SND1: variants seen among roughly 807,000 people sequenced by gnomAD.
SND1 encodes the protein staphylococcal nuclease and tudor domain containing 1, also known as staphylococcal nuclease domain-containing protein 1.
A neutral mutation model predicts 121.7 loss-of-function variants in SND1; 38 were observed. The observed-to-expected ratio is 0.31, with a 90% CI of 0.24 to 0.41. The LOEUF is 0.41. Ranked by LOEUF, SND1 falls within the 10% of genes least tolerant of loss-of-function variation. The probability of loss-of-function intolerance (pLI) is 1.00; values close to 1 mark genes in which losing one functional copy is unlikely to be tolerated. For synonymous variants in SND1, 401 were observed against 447.4 expected, an observed-to-expected ratio of 0.90 and a Z score of 1.31; for missense variants, 868 against 1,184.6, an observed-to-expected ratio of 0.73 and a Z score of 3.92.
chr7:128,048,666 C>T (rs1003647875), intron 16 of SND1, among the ~76,000 whole-genome samples: 3 of 152,066 alleles, frequency 2.0e-5, no homozygotes, highest in Non-Finnish European at 4.4e-5. Context: ...GCTGCAGTGG[C>T]TGTGGAGAGT....
intron 11 of SND1, among the ~76,000 whole-genome samples, chr7:127,808,410 C>G (rs1798278024): frequency 6.6e-6 from 1 of 152,180 alleles, no homozygotes; most frequent in Admixed American, 6.5e-5. Context: ...AGTGATCCAC[C>G]CGCCTCAGCC....
At chr7:127,725,510 A>G (rs1402247026) in intron 10 of SND1, among the ~76,000 whole-genome samples, 3 of 152,230 alleles carry the variant, frequency 2.0e-5, no homozygotes, top group African/African-American at 7.2e-5. Context: ...TAGAATCTCC[A>G]AGGAAAACAT....
rs1012540734 is a variant in SND1 at position 127,721,348 on chromosome 7, C to T, written c.1100C>T (p.Thr367Met). The T allele has an allele frequency of 9.3e-6, 15 of 1,613,394 alleles. No individual in the cohort carries two copies. In the African/African-American group the frequency reaches 9.4e-5, roughly 10 times the overall value. Residue 367 changes from threonine to methionine, a missense_variant, in exon 10 of 24, where the codon ACG becomes ATG. Around this residue, in one of 2 missense-constraint regions of SND1, gnomAD observed 743 missense variants for 1,071.3 expected, o/e 0.69. Transcript: ENST00000354725. The part of the protein sequence containing the change: ...VVKLNSGDYK[T>M]IHLSSIRPPR... ...AAGCTGAACTCAGGCGATTACAAGA[C>T]GATTCACCTGTCCAGCATCCGACCA...
At chr7:127,818,026 A>G (rs1798480045) in intron 11 of SND1, among the ~76,000 whole-genome samples, 1 of 152,090 alleles carries the variant, frequency 6.6e-6, no homozygotes, top group Admixed American at 6.6e-5. Flanking sequence ...AGATTTGGAT[A>G]TGGAGAAGGC....
intron 15 of SND1, among the ~76,000 whole-genome samples, chr7:127,950,360 T>C (rs1023856421): frequency 6.6e-6 from 1 of 152,186 alleles, no homozygotes; most frequent in Non-Finnish European, 1.5e-5. Flanking sequence ...AAACTCTCAG[T>C]TTCCGCATTA....
chr7:127,659,075 T>C (rs1795263398), intron 1 of SND1, among the ~76,000 whole-genome samples: 1 of 152,254 alleles, frequency 6.6e-6, no homozygotes, highest in African/African-American at 2.4e-5. Context: ...ACAAATGCAA[T>C]GAAGGAACTC....
At chr7:127,995,435 T>A (rs534853475) in intron 16 of SND1, among the ~76,000 whole-genome samples, 2 of 152,234 alleles carry the variant, frequency 1.3e-5, no homozygotes, top group East Asian at 3.9e-4. Flanking sequence ...AGATGGGGAG[T>A]TGTGCCTATT....
At chr7:128,021,226 T>C (rs1398338276) in intron 16 of SND1, among the ~76,000 whole-genome samples, 2 of 152,254 alleles carry the variant, frequency 1.3e-5, no homozygotes, top group African/African-American at 4.8e-5. Flanking sequence ...CTTCTTGCAA[T>C]GGCAATAGAT....
chr7:128,077,816 G>A (rs796605762), intron 17 of SND1, among the ~76,000 whole-genome samples: 98 of 152,334 alleles, frequency 6.4e-4, no homozygotes, highest in African/African-American at 2.3e-3. Context: ...CCTGTTCTCT[G>A]CCCAGCTCTT....
chr7:127,946,006 T>C (rs1406112325), intron 15 of SND1, among the ~76,000 whole-genome samples: 2 of 152,234 alleles, frequency 1.3e-5, no homozygotes, highest in Admixed American at 6.5e-5. Flanking sequence ...CTTTCCAATC[T>C]TCCCTCCATT....
chr7:127,943,017 C>T (rs1361078250), intron 15 of SND1, among the ~76,000 whole-genome samples: 1 of 152,176 alleles, frequency 6.6e-6, no homozygotes, highest in Non-Finnish European at 1.5e-5. Flanking sequence ...TCACAGTGAA[C>T]ATTGCCATAT....
intron 14 of SND1, chr7:127,928,163 C>A (rs1360653661): frequency 6.6e-6 from 1 of 152,190 alleles, no homozygotes; most frequent in Non-Finnish European, 1.5e-5. Flanking sequence ...AGCACACAGA[C>A]TTTGTGTTGA....
intron 16 of SND1, among the ~76,000 whole-genome samples, chr7:128,016,963 A>G (rs919165826): frequency 1.6e-4 from 25 of 152,256 alleles, no homozygotes; most frequent in Non-Finnish European, 2.9e-5. Context: ...TTCTTGAGGT[A>G]TAGGTCCCAA....
At chr7:127,876,554 T>C (rs143075380) in intron 12 of SND1, among the ~76,000 whole-genome samples, 1 of 152,274 alleles carries the variant, frequency 6.6e-6, no homozygotes, top group Non-Finnish European at 1.5e-5. Context: ...AAAAAGCTTT[T>C]ATCTAGGGAA....
Position 128,029,576 on chromosome 7 carries a change from G to T in SND1, c.1779+38520G>T. ...TGTTGAGGTCTCGAGGTGCGTCCAT[G>T]ATGAAGGGGGCAGAGCACTGGAAGG... On this transcript the variant is annotated intron_variant, in intron 16 of 23. Transcript: ENST00000354725. The surrounding 1 kb of genome is among the most constrained non-coding windows in gnomAD (Gnocchi z 4.2). 1.2e-6 allele frequency: 2 copies of T among 1,614,040 alleles called. No homozygotes were observed. The highest frequency in any genetic ancestry group is 2.2e-5 in the South Asian group (2 of 91,076).
At position 128,063,243 on chromosome 7, in the gene SND1, G is replaced by A. The variant is rs750773644; in HGVS notation, c.1780-11259G>A. 2.2e-4 allele frequency among the ~76,000 whole-genome samples: 33 copies of A among 152,312 alleles called. 1 individual carries two copies. Among genetic ancestry groups the A allele is most frequent in the Non-Finnish European group, 3.5e-4 (24 of 68,026 alleles). ...TGGGAGACCGGAGGGAGGCACACACGGCTGCTGCCTGCACTCCTGCCTGGA... is the reference window on the plus strand; with the variant it reads ...TGGGAGACCGGAGGGAGGCACACACAGCTGCTGCCTGCACTCCTGCCTGGA... On this transcript the variant is annotated intron_variant, in intron 16 of 23. Transcript: ENST00000354725.
intron 10 of SND1, among the ~76,000 whole-genome samples, chr7:127,753,452 C>CT (rs879781917): frequency 9.7e-4 from 142 of 146,014 alleles, no homozygotes; most frequent in South Asian, 2.8e-3. Flanking sequence ...TTTTTCTAAA[C>CT]TTTTTTTTTT....
chr7:128,083,775 C>A (rs959016968), intron 18 of SND1, among the ~76,000 whole-genome samples: 1 of 152,178 alleles, frequency 6.6e-6, no homozygotes, highest in Admixed American at 6.5e-5. Context: ...TCCACAGTCA[C>A]CCTCCTTGCT....
chr7:127,922,199 T>TTGTTTTTTTG (rs1800732357), intron 14 of SND1, among the ~76,000 whole-genome samples: 7 of 93,500 alleles, frequency 7.5e-5, no homozygotes, highest in African/African-American at 3.0e-4. Flanking sequence ...TTTTTTTTTT[T>TTGTTTTTTTG]TTTTGTTTTG....
Sources: allele counts gnomAD v4.1 joint callset (sites outside exome capture counted in the v4.1 genomes callset), GRCh38; gene constraint gnomAD v4.1.1; regional missense constraint gnomAD v4.1.1; non-coding constraint Gnocchi (gnomAD v3.1); transcripts MANE v1.5; gene names NCBI Gene and HGNC (gene_info 2026-07-23, HGNC 2026-07-21).